UPP2: variants seen among roughly 807,000 people sequenced by gnomAD.
UPP2 encodes UPase 2.
UPP2 carries 23 observed loss-of-function variants against 26.7 expected under a neutral mutation model. The ratio of observed to expected loss-of-function variants is 0.86; its 90% CI spans 0.62 to 1.22. UPP2 has a LOEUF of 1.22. UPP2 is among the 50% of genes most tolerant of loss of function. UPP2 has a pLI of 0.00. For missense variants in UPP2, 387 were observed against 396.7 expected (o/e 0.98, Z 0.21); for synonymous variants, 127 against 141.3 (o/e 0.90, Z 0.72).
At chr2:158,091,449 G>A (rs1028178419) in intron 3 of UPP2, among the ~76,000 whole-genome samples, 1 of 152,030 alleles carries the variant, frequency 6.6e-6, no homozygotes. Context: ...AATAGGATAC[G>A]GTTTTTAAAT....
At chr2:158,088,645 T>C (rs1423237369) in intron 3 of UPP2, among the ~76,000 whole-genome samples, 1 of 152,232 alleles carries the variant, frequency 6.6e-6, no homozygotes, top group Non-Finnish European at 1.5e-5. Context: ...CAAGGGCTGC[T>C]GTTCAGATTC....
intron 3 of UPP2, among the ~76,000 whole-genome samples, chr2:158,031,980 A>G (rs1232052621): frequency 1.3e-5 from 2 of 152,122 alleles, no homozygotes; most frequent in Non-Finnish European, 2.9e-5. Flanking sequence ...CATACAGCTG[A>G]ATATTGTGTT....
At chr2:158,122,506 G>A (rs1222482997) in intron 5 of UPP2, among the ~76,000 whole-genome samples, 1 of 151,978 alleles carries the variant, frequency 6.6e-6, no homozygotes, top group South Asian at 2.1e-4. Flanking sequence ...TCTGTTCAAG[G>A]CCACTGACTC....
chr2:158,012,908 G>A (rs1281619530), intron 2 of UPP2, among the ~76,000 whole-genome samples: 1 of 152,028 alleles, frequency 6.6e-6, no homozygotes, highest in Non-Finnish European at 1.5e-5. Flanking sequence ...AATTTTAAGT[G>A]ATGATCTCAT....
chr2:158,123,842 T>C lies in UPP2; in HGVS notation c.758T>C (p.Ile253Thr), dbSNP rs779888478. 2.1e-5 allele frequency: 34 copies of C among 1,614,004 alleles called. 1 individual carries two copies. Among genetic ancestry groups the C allele is most frequent in the Admixed American group, 5.0e-5 (3 of 60,012 alleles). The change falls in exon 6 of 7, where the codon ATT becomes ACT. Residue 253 changes from isoleucine to threonine, a missense_variant. Physicochemically the swap from Ile to Thr is moderately conservative, Grantham distance 89. Transcript: ENST00000005756. ...KRAFKAGVRN[I>T]EMESTVFAAM... ...GCATTTAAAGCTGGTGTCAGGAATA[T>C]TGAAATGGAATCTACAGTGTTTGCA...
chr2:158,022,927 AGAACT>A (rs1396689480), intron 3 of UPP2, among the ~76,000 whole-genome samples: 2 of 152,202 alleles, frequency 1.3e-5, no homozygotes, highest in Non-Finnish European at 2.9e-5. Context: ...TCACAGGTTA[AGAACT>A]GAGCTGAGTA....
At chr2:158,076,049 A>G (rs1454701404) in intron 3 of UPP2, among the ~76,000 whole-genome samples, 4 of 151,976 alleles carry the variant, frequency 2.6e-5, no homozygotes, top group Admixed American at 6.6e-5. Flanking sequence ...ATGAGCAACT[A>G]TATGTCAATA....
At chr2:158,062,194 T>C (rs1574269440) in intron 3 of UPP2, among the ~76,000 whole-genome samples, 1 of 152,358 alleles carries the variant, frequency 6.6e-6, no homozygotes, top group East Asian at 1.9e-4. Context: ...GGAAACATTT[T>C]TTATTTGTGC....
chr2:158,010,953 A>G (rs1683567224), intron 2 of UPP2, among the ~76,000 whole-genome samples: 2 of 151,716 alleles, frequency 1.3e-5, no homozygotes. Flanking sequence ...TTTAGTAGAG[A>G]CGGGGTTTCT....
At chr2:158,125,093 T>C (rs141251746) in intron 6 of UPP2, among the ~76,000 whole-genome samples, 8 of 152,240 alleles carry the variant, frequency 5.3e-5, no homozygotes, top group Non-Finnish European at 7.4e-5. Context: ...GCCCATGAAG[T>C]TGGCAGTACA....
chr2:158,085,756 T>C (rs1411231334), intron 3 of UPP2, among the ~76,000 whole-genome samples: 1 of 152,164 alleles, frequency 6.6e-6, no homozygotes. Flanking sequence ...TCTATTGAGA[T>C]GATCATGTGA....
intron 3 of UPP2, among the ~76,000 whole-genome samples, chr2:158,044,445 C>G (rs1684122968): frequency 6.6e-6 from 1 of 151,746 alleles, no homozygotes; most frequent in African/African-American, 2.4e-5. Flanking sequence ...TTTCAGGGAG[C>G]CTAAAGGGGC....
chr2:158,019,151 AG>A (rs1683706881), intron 3 of UPP2, among the ~76,000 whole-genome samples: 1 of 152,214 alleles, frequency 6.6e-6, no homozygotes, highest in Non-Finnish European at 1.5e-5. Context: ...TAAAATCAGG[AG>A]CACATGTTCT....
chr2:158,077,373 C>T (rs1682646608), intron 3 of UPP2, among the ~76,000 whole-genome samples: 1 of 152,120 alleles, frequency 6.6e-6, no homozygotes, highest in South Asian at 2.1e-4. Context: ...GGAGGAATCA[C>T]ATTACCCGAC....
chr2:158,099,707 T>A (rs1413232042), upstream of UPP2, among the ~76,000 whole-genome samples: 2 of 152,224 alleles, frequency 1.3e-5, no homozygotes, highest in Non-Finnish European at 2.9e-5. Flanking sequence ...ATCAAGACTG[T>A]GCTTTCTTTT....
intron 2 of UPP2, among the ~76,000 whole-genome samples, chr2:158,108,014 A>G (rs1683231756): frequency 2.6e-5 from 4 of 152,238 alleles, no homozygotes; most frequent in Admixed American, 2.6e-4. Context: ...ATGCCTCTCA[A>G]TAATATCCCA....
intron 3 of UPP2, among the ~76,000 whole-genome samples, chr2:158,045,407 T>C (rs1267169921): frequency 6.6e-6 from 1 of 152,134 alleles, no homozygotes; most frequent in Non-Finnish European, 1.5e-5. Context: ...CTTCCTCTTA[T>C]CTCCCAACAC....
intron 3 of UPP2, among the ~76,000 whole-genome samples, chr2:158,080,547 C>T (rs1048804856): frequency 1.3e-5 from 2 of 152,156 alleles, no homozygotes; most frequent in African/African-American, 2.4e-5. Flanking sequence ...TGATTATACC[C>T]GGAACAATGC....
chr2:158,074,307 A>G (rs897630734), intron 3 of UPP2, among the ~76,000 whole-genome samples: 6 of 152,248 alleles, frequency 3.9e-5, no homozygotes, highest in Non-Finnish European at 2.9e-5. Context: ...TGTGTTTACT[A>G]TTCTTAAGTA....
Sources: gnomAD v4.1 joint callset for allele counts (sites outside exome capture counted in the v4.1 genomes callset) on GRCh38, gnomAD v4.1.1 for gene constraint, MANE v1.5 for transcripts, NCBI Gene and HGNC (gene_info 2026-07-23, HGNC 2026-07-21) for gene names.